Variants in IMMP2L observed in about 807,000 individuals in gnomAD.
IMMP2L encodes the protein mitochondrial inner membrane protease subunit 2.
In IMMP2L, 18 loss-of-function variants were observed where a neutral mutation model predicts 19.3. That is an observed-to-expected ratio of 0.93 (90% CI 0.64 to 1.38). The LOEUF is 1.38. Among genes scored for constraint, IMMP2L ranks in the 40% most tolerant of loss-of-function variants. The pLI is 0.00. For synonymous variants in IMMP2L, 76 were observed against 73.0 expected, an observed-to-expected ratio of 1.04 and a Z score of -0.21; for missense variants, 233 against 218.2, an observed-to-expected ratio of 1.07 and a Z score of -0.43.
chr7:111,280,987 G>A lies in IMMP2L; in HGVS notation c.239+206251C>T, dbSNP rs559838902. Among the ~76,000 whole-genome samples, 627 of 151,620 alleles carry A rather than the reference G, an allele frequency of 4.1e-3. 8 individuals are homozygous for A. The highest frequency in any genetic ancestry group is 0.015 in the African/African-American group (603 of 41,288). On this transcript the variant is annotated intron_variant, in intron 3 of 5. Coordinates refer to ENST00000405709, the MANE Select transcript of IMMP2L (RefSeq NM_032549.4). The stretch of plus-strand genomic sequence containing the variant: ...TGGGAGGCTGAGGTAGGAGAATGGC[G>A]TGAACCCAGTAGGCAGAGCTTGCTG...
At chr7:111,232,781 C>T (rs577814956) in intron 3 of IMMP2L, among the ~76,000 whole-genome samples, 1 of 152,016 alleles carries the variant, frequency 6.6e-6, no homozygotes, top group South Asian at 2.1e-4. Flanking sequence ...AAATATTAAC[C>T]CTATAGCTTA....
chr7:111,347,524 G>C (rs751465827), intron 3 of IMMP2L, among the ~76,000 whole-genome samples: 1 of 152,014 alleles, frequency 6.6e-6, no homozygotes, highest in Non-Finnish European at 1.5e-5. Flanking sequence ...GGGCAGAAGA[G>C]AGAATGGATA....
At chr7:111,261,559 G>A (rs1295266434) in intron 3 of IMMP2L, among the ~76,000 whole-genome samples, 3 of 151,976 alleles carry the variant, frequency 2.0e-5, no homozygotes, top group Non-Finnish European at 4.4e-5. Context: ...GAAGGCTGGT[G>A]TCTAGTGAAT....
In IMMP2L at chr7:111,466,063, C is replaced by T. The variant is rs139491409; in HGVS notation, c.239+21175G>A. Among the ~76,000 whole-genome samples the T allele has an allele frequency of 6.8e-3, 1,031 of 152,210 alleles. 13 individuals carry two copies. The highest frequency in any genetic ancestry group is 0.024 in the African/African-American group (983 of 41,534). On this transcript the variant is annotated intron_variant, in intron 3 of 5. Transcript: ENST00000405709. ...GCTGGAAACCATCATTCTCAGCAAACTATCGCAAGGACAAAAAAACCAAAC... is the reference window on the plus strand; with the variant it reads ...GCTGGAAACCATCATTCTCAGCAAATTATCGCAAGGACAAAAAAACCAAAC...
intron 3 of IMMP2L, among the ~76,000 whole-genome samples, chr7:111,360,570 C>A (rs938577882): frequency 6.6e-5 from 10 of 152,132 alleles, no homozygotes; most frequent in African/African-American, 2.4e-4. Context: ...GTAATCCCAG[C>A]ACTTTTGGAA....
chr7:111,300,975 C>T (rs1822164737), intron 3 of IMMP2L, among the ~76,000 whole-genome samples: 1 of 151,998 alleles, frequency 6.6e-6, no homozygotes, highest in African/African-American at 2.4e-5. Context: ...ATTGCTGGGT[C>T]GTATGGTAAT....
chr7:110,955,004 G>GCTAA (rs2129554614), intron 4 of IMMP2L, among the ~76,000 whole-genome samples: 1 of 152,006 alleles, frequency 6.6e-6, no homozygotes, highest in East Asian at 1.9e-4. Flanking sequence ...TCCCTATACT[G>GCTAA]CTAAACTGTT....
In IMMP2L at chr7:110,760,251, C is replaced by T. The variant is rs1798272189; in HGVS notation, c.409-96530G>A. On this transcript the variant is annotated intron_variant, in intron 5 of 5. Transcript: ENST00000405709. This position sits in a 1 kb window ranked among gnomAD's most constrained non-coding sequence, Gnocchi z 4.2. ...TCTATTAGTGTTTATCTGCATCTGC[C>T]TTAGAGAAGTTGTTTACATCCAATA... Among the ~76,000 whole-genome samples the T allele has an allele frequency of 6.6e-6, 1 of 152,236 alleles. No individual in the cohort carries two copies. Among genetic ancestry groups the T allele is most frequent in the African/African-American group, 2.4e-5 (1 of 41,556 alleles).
intron 2 of IMMP2L, among the ~76,000 whole-genome samples, chr7:111,492,016 G>T (rs947017499): frequency 6.6e-6 from 1 of 151,350 alleles, no homozygotes; most frequent in Admixed American, 6.6e-5. Context: ...CAACTCATAA[G>T]ATCAAAAATC....
At chr7:110,980,135 T>C (rs368748583) in intron 3 of IMMP2L, among the ~76,000 whole-genome samples, 3 of 112,726 alleles carry the variant, frequency 2.7e-5, no homozygotes, top group Non-Finnish European at 6.8e-5. Flanking sequence ...ACTGTCTTCA[T>C]GAAACCGTCC....
chr7:110,752,991 C>G (rs910836697), intron 5 of IMMP2L, among the ~76,000 whole-genome samples: 3 of 152,054 alleles, frequency 2.0e-5, no homozygotes, highest in Non-Finnish European at 4.4e-5. Flanking sequence ...GGTCACCACA[C>G]TAACACTTGT....
At chr7:111,293,541 A>C (rs551084141) in intron 3 of IMMP2L, among the ~76,000 whole-genome samples, 62 of 152,008 alleles carry the variant, frequency 4.1e-4, no homozygotes, top group African/African-American at 1.4e-3. Context: ...CTGTTTGACA[A>C]AGCACTTACG....
At chr7:111,094,606 A>G (rs1395033081) in intron 3 of IMMP2L, among the ~76,000 whole-genome samples, 1 of 152,152 alleles carries the variant, frequency 6.6e-6, no homozygotes, top group Non-Finnish European at 1.5e-5. Context: ...GTCAAAGATA[A>G]AGCTCTCTGA....
intron 3 of IMMP2L, among the ~76,000 whole-genome samples, chr7:111,114,941 G>A (rs1248466924): frequency 1.3e-5 from 2 of 152,028 alleles, no homozygotes; most frequent in African/African-American, 4.8e-5. Flanking sequence ...TTAAAGTGCT[G>A]GTAATTTTAC....
chr7:111,390,568 T>C (rs1027767248), intron 3 of IMMP2L: 1 of 152,188 alleles, frequency 6.6e-6, no homozygotes, highest in Non-Finnish European at 1.5e-5. Flanking sequence ...CTCATCCATT[T>C]ACCTTCTCAT....
chr7:111,434,478 A>T (rs1471085383), intron 3 of IMMP2L, among the ~76,000 whole-genome samples: 1 of 151,562 alleles, frequency 6.6e-6, no homozygotes, highest in Non-Finnish European at 1.5e-5. Context: ...TAACCCCATT[A>T]AAAAGTGGGC....
chr7:111,465,177 G>A (rs1167638008), intron 3 of IMMP2L, among the ~76,000 whole-genome samples: 1 of 152,008 alleles, frequency 6.6e-6, no homozygotes, highest in Non-Finnish European at 1.5e-5. Flanking sequence ...CTGCCATAAT[G>A]GGCTCTCTGA....
At chr7:110,907,942 T>C (rs956998023) in intron 4 of IMMP2L, among the ~76,000 whole-genome samples, 1 of 152,152 alleles carries the variant, frequency 6.6e-6, no homozygotes, top group Non-Finnish European at 1.5e-5. Context: ...GAGCCAAGCC[T>C]TACTCATGCG....
chr7:111,139,771 T>C (rs1802694807), intron 3 of IMMP2L, among the ~76,000 whole-genome samples: 1 of 152,144 alleles, frequency 6.6e-6, no homozygotes, highest in Non-Finnish European at 1.5e-5. Flanking sequence ...AAAAACTATT[T>C]TGAGCTAGGA....
Sources: gnomAD v4.1 joint callset for allele counts (sites outside exome capture counted in the v4.1 genomes callset) on GRCh38, gnomAD v4.1.1 for gene constraint, Gnocchi (gnomAD v3.1) non-coding constraint, MANE v1.5 for transcripts, NCBI Gene and HGNC (gene_info 2026-07-23, HGNC 2026-07-21) for gene names.